CADM2: variants seen among roughly 807,000 people sequenced by gnomAD.
CADM2 encodes cell adhesion molecule 2.
A neutral mutation model predicts 49.8 loss-of-function variants in CADM2; 12 were observed. That is an observed-to-expected ratio of 0.24 (90% confidence interval 0.15 to 0.39). The LOEUF is 0.39. Ranked by LOEUF, CADM2 falls within the 10% of genes least tolerant of loss-of-function variation. The probability of loss-of-function intolerance (pLI) is 1.00; values close to 1 mark genes in which losing one functional copy is unlikely to be tolerated. For synonymous variants in CADM2, 214 were observed against 175.4 expected (o/e 1.22, Z -1.74); for missense variants, 378 against 492.3 (o/e 0.77, Z 2.20).
chr3:85,359,667 T>TATATATATATATATATATATA (rs1491224693), intron 1 of CADM2, among the ~76,000 whole-genome samples: 19 of 16,468 alleles, frequency 1.2e-3, no homozygotes, highest in African/African-American at 2.8e-3. Flanking sequence ...TATATATATA[T>TATATATATATATATATATATA]TTTTTTTTTT....
At chr3:85,549,832 G>A (rs956335272) in intron 1 of CADM2, among the ~76,000 whole-genome samples, 4 of 140,452 alleles carry the variant, frequency 2.8e-5, no homozygotes, top group Admixed American at 1.5e-4. Context: ...GGGTTTCACC[G>A]TGTTGGCCAG....
At chr3:85,129,893 C>T (rs2039167594) in intron 1 of CADM2, among the ~76,000 whole-genome samples, 1 of 152,136 alleles carries the variant, frequency 6.6e-6, no homozygotes, top group Non-Finnish European at 1.5e-5. Flanking sequence ...CATAATGAAT[C>T]TTAATTTCTT....
intron 1 of CADM2, among the ~76,000 whole-genome samples, chr3:85,684,627 G>A (rs1427311180): frequency 1.3e-5 from 2 of 152,238 alleles, no homozygotes; most frequent in South Asian, 4.2e-4. Flanking sequence ...GTTCCACATC[G>A]CTGGGGAGGT....
intron 1 of CADM2, among the ~76,000 whole-genome samples, chr3:85,316,203 A>C (rs906148626): frequency 2.0e-5 from 3 of 152,176 alleles, no homozygotes; most frequent in Non-Finnish European, 4.4e-5. Context: ...CAAATATTTC[A>C]TGTCTATGCT....
intron 1 of CADM2, among the ~76,000 whole-genome samples, chr3:85,634,152 G>A (rs1026187764): frequency 6.6e-6 from 1 of 152,024 alleles, no homozygotes; most frequent in Non-Finnish European, 1.5e-5. Flanking sequence ...TAGTAGAGAA[G>A]AGGAACGTAA....
intron 1 of CADM2, among the ~76,000 whole-genome samples, chr3:85,452,856 G>T (rs1359211768): frequency 6.6e-6 from 1 of 152,102 alleles, no homozygotes; most frequent in Non-Finnish European, 1.5e-5. Context: ...TGACAGCAAG[G>T]TCCTTAACTA....
chr3:85,880,486 T>C (rs1900791), intron 3 of CADM2, among the ~76,000 whole-genome samples: 5,473 of 152,254 alleles, frequency 0.036, 322 homozygotes, highest in African/African-American at 0.12. Flanking sequence ...AAGACAGTCC[T>C]GCTAGAGGCA....
intron 1 of CADM2, among the ~76,000 whole-genome samples, chr3:85,431,525 A>G (rs551738280): frequency 1.1e-4 from 17 of 151,952 alleles, no homozygotes; most frequent in Admixed American, 1.3e-4. Context: ...GTAGCTGCGT[A>G]TGTACATGCT....
chr3:85,213,485 T>C (rs1055374366), intron 1 of CADM2, among the ~76,000 whole-genome samples: 1 of 152,136 alleles, frequency 6.6e-6, no homozygotes, highest in Non-Finnish European at 1.5e-5. Context: ...TTTCGTTGCT[T>C]TTAGAATCCT....
At chr3:85,700,639 A>T (rs913163186) in intron 1 of CADM2, among the ~76,000 whole-genome samples, 1 of 152,158 alleles carries the variant, frequency 6.6e-6, no homozygotes, top group Non-Finnish European at 1.5e-5. Context: ...CTCAAGTTTA[A>T]AGTTCCATAG....
At chr3:85,088,304 C>T (rs745986818) in intron 1 of CADM2, among the ~76,000 whole-genome samples, 2 of 152,042 alleles carry the variant, frequency 1.3e-5, no homozygotes, top group Non-Finnish European at 2.9e-5. Context: ...CTTTGGAAAC[C>T]TTTTATAGTA....
At chr3:85,341,043 TC>T in intron 1 of CADM2, among the ~76,000 whole-genome samples, 1 of 151,722 alleles carries the variant, frequency 6.6e-6, no homozygotes, top group Non-Finnish European at 1.5e-5. Context: ...GTCTCAGGCC[TC>T]CCTGAACTCT....
At chr3:85,401,054 T>G (rs1291521195) in intron 1 of CADM2, among the ~76,000 whole-genome samples, 1 of 152,168 alleles carries the variant, frequency 6.6e-6, no homozygotes, top group Admixed American at 6.5e-5. Context: ...CATGATGATT[T>G]CCTTTTGAAA....
chr3:85,726,570 AT>A, intron 2 of CADM2, 22 bp downstream of exon 2: 9 of 1,585,214 alleles, frequency 5.7e-6, no homozygotes, highest in Non-Finnish European at 7.8e-6. Flanking sequence ...TTTATTCTGC[AT>A]GAGTCATCAT....
Position 85,789,921 on chromosome 3 carries a change from G to T in CADM2, c.89-12126G>T, listed in dbSNP as rs562044840. ...CTTTGTACACATACAAGTCAAAAAA[G>T]TGTTGAGAACTTTAAAAATCTGATA... On this transcript the variant is annotated intron_variant, in intron 2 of 9. Coordinates refer to ENST00000383699, the MANE Select transcript of CADM2 (RefSeq NM_001167675.2). Among the ~76,000 whole-genome samples the T allele has an allele frequency of 3.9e-5, 6 of 152,114 alleles. No homozygotes were observed. In the East Asian group the frequency reaches 9.6e-4, roughly 24 times the overall value.
At chr3:85,542,521 T>C (rs2061572830) in intron 1 of CADM2, among the ~76,000 whole-genome samples, 1 of 152,202 alleles carries the variant, frequency 6.6e-6, no homozygotes, top group Non-Finnish European at 1.5e-5. Context: ...TTAAAACTCA[T>C]ATAAGCATGC....
At chr3:85,699,921 A>C (rs1458322483) in intron 1 of CADM2, among the ~76,000 whole-genome samples, 1 of 152,198 alleles carries the variant, frequency 6.6e-6, no homozygotes, top group Non-Finnish European at 1.5e-5. Context: ...TGCTCTGCTT[A>C]TCCTTTAAAT....
intron 1 of CADM2, among the ~76,000 whole-genome samples, chr3:85,291,952 T>C (rs555334372): frequency 6.6e-6 from 1 of 151,980 alleles, no homozygotes; most frequent in East Asian, 1.9e-4. Flanking sequence ...TACCTTTAAA[T>C]GTAAATGGAC....
intron 1 of CADM2, among the ~76,000 whole-genome samples, chr3:85,459,018 A>T (rs1005245677): frequency 6.6e-6 from 1 of 152,188 alleles, no homozygotes; most frequent in Non-Finnish European, 1.5e-5. Flanking sequence ...TAGAAAATTG[A>T]GCTTGATTAT....
Sources: allele counts gnomAD v4.1 joint callset (sites outside exome capture counted in the v4.1 genomes callset), GRCh38; gene constraint gnomAD v4.1.1; transcripts MANE v1.5; gene names NCBI Gene and HGNC (gene_info 2026-07-23, HGNC 2026-07-21).